The following AP2B1 variants were observed in gnomAD, a reference collection of about 807,000 sequenced individuals.
The protein encoded by AP2B1 is adaptor related protein complex 2 subunit beta 1.
A neutral mutation model predicts 102.0 loss-of-function variants in AP2B1; 23 were observed. The ratio of observed to expected loss-of-function variants is 0.23; its 90% CI spans 0.16 to 0.32. AP2B1 has a LOEUF of 0.32. Among genes scored for constraint, AP2B1 ranks in the 10% least tolerant of loss-of-function variants. AP2B1 has a pLI of 1.00. For missense variants in AP2B1, 541 were observed against 1,157.4 expected (o/e 0.47, Z 7.73); for synonymous variants, 381 against 421.2 (o/e 0.90, Z 1.17).
intron 9 of AP2B1, among the ~76,000 whole-genome samples, chr17:35,631,347 T>C (rs1201202080): frequency 1.3e-5 from 2 of 152,186 alleles, no homozygotes; most frequent in African/African-American, 4.8e-5. Context: ...AAAACCATAT[T>C]TGTTTACTAT....
intron 18 of AP2B1, among the ~76,000 whole-genome samples, chr17:35,707,160 G>GTTTTC (rs2076357798): frequency 7.0e-6 from 1 of 142,854 alleles, no homozygotes; most frequent in Non-Finnish European, 1.5e-5. Flanking sequence ...TTGTTGTTTT[G>GTTTTC]TTTTTTGTTG....
intron 13 of AP2B1, among the ~76,000 whole-genome samples, chr17:35,651,227 G>C (rs976734634): frequency 8.6e-5 from 13 of 151,984 alleles, no homozygotes; most frequent in Non-Finnish European, 1.0e-4. Context: ...ATAGTTAGCA[G>C]GTATAACTTA....
At chr17:35,686,532 A>G (rs1300414676) in intron 18 of AP2B1, among the ~76,000 whole-genome samples, 1 of 152,206 alleles carries the variant, frequency 6.6e-6, no homozygotes, top group Admixed American at 6.5e-5. Context: ...CTTTATGTAG[A>G]TGCTGCAGGG....
At chr17:35,638,790 A>G (rs1182520478) in intron 10 of AP2B1, among the ~76,000 whole-genome samples, 3 of 3,570 alleles carry the variant, frequency 8.4e-4, no homozygotes, top group Non-Finnish European at 1.4e-3. Flanking sequence ...CTCCGTCTTG[A>G]AAAAAAAAAA....
chr17:35,617,432 G>T (rs549597693), intron 5 of AP2B1, among the ~76,000 whole-genome samples: 23 of 152,276 alleles, frequency 1.5e-4, no homozygotes, highest in African/African-American at 5.5e-4. Flanking sequence ...TAGTATTTCA[G>T]TGGCAAAATT....
intron 12 of AP2B1, among the ~76,000 whole-genome samples, chr17:35,647,106 T>C (rs1441782044): frequency 6.6e-6 from 1 of 152,192 alleles, no homozygotes; most frequent in Non-Finnish European, 1.5e-5. Flanking sequence ...CAGTGTTTAA[T>C]TATGTAATAA....
intron 5 of AP2B1, among the ~76,000 whole-genome samples, chr17:35,623,014 C>T (rs997583442): frequency 2.0e-5 from 3 of 152,052 alleles, no homozygotes; most frequent in Admixed American, 6.6e-5. Flanking sequence ...GCTAATCTTT[C>T]ATCAGCATCT....
Position 35,671,905 on chromosome 17 carries a change from G to A in AP2B1, c.2178+5G>A, listed in dbSNP as rs371230955. The A allele has an allele frequency of 1.9e-6, 3 of 1,613,614 alleles. No individual in the cohort carries two copies. Among genetic ancestry groups the A allele is most frequent in the African/African-American group, 2.7e-5 (2 of 74,898 alleles). Reference sequence around the variant, plus strand: ...GGATATGTGGCTCCTAAGGCTGTAAGTAAAGAGTTAACATAGCAATACTTT... The same window carrying A: ...GGATATGTGGCTCCTAAGGCTGTAAATAAAGAGTTAACATAGCAATACTTT... On this transcript the variant is annotated splice_donor_5th_base_variant and intron_variant, in intron 16 of 21. Transcript: ENST00000610402.
At chr17:35,632,088 ATTT>A (rs11432512) in intron 9 of AP2B1, among the ~76,000 whole-genome samples, 1 of 145,730 alleles carries the variant, frequency 6.9e-6, no homozygotes. Flanking sequence ...AAAATTCACT[ATTT>A]TTTTTTTTTT....
chr17:35,650,425 T>C (rs1354261049), intron 12 of AP2B1, 105 bp from the exon 13 acceptor site: 1 of 1,340,136 alleles, frequency 7.5e-7, no homozygotes, highest in Non-Finnish European at 1.0e-6. Context: ...TAATACCCAG[T>C]CTGCATAAAT....
chr17:35,634,919 C>T (rs1229538025), intron 9 of AP2B1, among the ~76,000 whole-genome samples: 1 of 152,220 alleles, frequency 6.6e-6, no homozygotes. Context: ...TTTCCTCCTA[C>T]GATGGCTTAT....
At chr17:35,659,561 G>A (rs1003150294) in intron 14 of AP2B1, among the ~76,000 whole-genome samples, 3 of 152,152 alleles carry the variant, frequency 2.0e-5, no homozygotes, top group African/African-American at 7.2e-5. Flanking sequence ...TGCTTGGATT[G>A]TAGTAGCCAA....
At chr17:35,678,833 T>G (rs2075755750) in intron 17 of AP2B1, among the ~76,000 whole-genome samples, 1 of 152,212 alleles carries the variant, frequency 6.6e-6, no homozygotes, top group Admixed American at 6.5e-5. Flanking sequence ...TTATTATTTC[T>G]TTCCTGAGTT....
chr17:35,723,152 C>T lies in AP2B1; in HGVS notation c.2782-473C>T, dbSNP rs587690406. ...AGAAAGGACTAATACCTTGGACCTA[C>T]CTAGTTTATGGTTTTATTTCACTTG... On this transcript the variant is annotated intron_variant, in intron 21 of 21. Coordinates refer to ENST00000610402, the MANE Select transcript of AP2B1 (RefSeq NM_001030006.2). Among the ~76,000 whole-genome samples, 5 of 152,286 alleles carry T rather than the reference C, an allele frequency of 3.3e-5. No homozygotes were observed. The East Asian group carries it at 7.7e-4, about 23-fold the overall frequency.
chr17:35,630,475 A>G (rs2074431874), intron 9 of AP2B1, among the ~76,000 whole-genome samples: 1 of 152,220 alleles, frequency 6.6e-6, no homozygotes, highest in Non-Finnish European at 1.5e-5. Context: ...TTGGTAGCAT[A>G]AGAGTAAGGT....
At chr17:35,597,093 C>A in intron 2 of AP2B1, 1 of 538,830 alleles carries the variant, frequency 1.9e-6, no homozygotes, top group Non-Finnish European at 3.4e-6. Flanking sequence ...CGCTCCGGGG[C>A]CACTGAGGCA....
At position 35,598,216 on chromosome 17, in the gene AP2B1, C is replaced by G. The variant is rs1481635230; in HGVS notation, c.38-14C>G. 2.5e-6 allele frequency: 4 copies of G among 1,585,716 alleles called. No individual in the cohort carries two copies. Among genetic ancestry groups the G allele is most frequent in the South Asian group, 1.1e-5 (1 of 90,070 alleles). On this transcript the variant is annotated splice_polypyrimidine_tract_variant and intron_variant, in intron 2 of 21. Transcript: ENST00000610402. ...GGTACTGGAACCTTACCAGTTTGCT[C>G]TCATCTCTTGCAGGAGAAATATTTG...
chr17:35,642,524 T>A (rs538558857), intron 12 of AP2B1, among the ~76,000 whole-genome samples: 3 of 152,334 alleles, frequency 2.0e-5, no homozygotes, highest in South Asian at 4.1e-4. Flanking sequence ...GCTTTAAATA[T>A]CAGGTCATTA....
intron 18 of AP2B1, among the ~76,000 whole-genome samples, chr17:35,686,385 T>C (rs141998910): frequency 6.6e-6 from 1 of 152,372 alleles, no homozygotes; most frequent in African/African-American, 2.4e-5. Context: ...TTGTTTCTCA[T>C]TTCGTGTGTT....
Sources: allele counts gnomAD v4.1 joint callset (sites outside exome capture counted in the v4.1 genomes callset), GRCh38; gene constraint gnomAD v4.1.1; transcripts MANE v1.5; gene names NCBI Gene and HGNC (gene_info 2026-07-23, HGNC 2026-07-21).